Variants in AMMECR1 observed in about 807,000 individuals in gnomAD.
AMMECR1 encodes the protein AMMECR nuclear protein 1, also known as nuclear protein AMMECR1.
Under a neutral mutation model 22.5 loss-of-function variants are expected in AMMECR1, and 3 were observed. That is an observed-to-expected ratio of 0.13 (90% CI 0.06 to 0.35). AMMECR1 has a LOEUF of 0.35. AMMECR1 is among the 10% of genes least tolerant of loss of function. The probability of loss-of-function intolerance (pLI) is 1.00; values close to 1 mark genes in which losing one functional copy is unlikely to be tolerated. For synonymous variants in AMMECR1, 130 were observed against 116.7 expected, an observed-to-expected ratio of 1.11 and a Z score of -0.74; for missense variants, 235 against 278.7, an observed-to-expected ratio of 0.84 and a Z score of 1.12.
rs200061275 is a variant in AMMECR1 at position 110,284,239 on chromosome X, AG to A, written c.474-19641del. On this transcript the variant is annotated intron_variant, in intron 1 of 5. Coordinates refer to ENST00000262844, the MANE Select transcript of AMMECR1 (RefSeq NM_015365.3). ...TTAAGTCATGGTAGGACAGAACCAG[AG>A]GGGGGAAAAAAAGAGTAAGGCATCA... is the stretch of plus-strand genomic sequence containing the variant. 4.1e-4 allele frequency among the ~76,000 whole-genome samples: 46 copies of A among 112,407 alleles called. No individual in the cohort carries two copies. The East Asian group carries it at 0.012, about 30-fold the overall frequency.
chrX:110,404,503 T>C lies in AMMECR1; in HGVS notation c.-148+22155A>G, dbSNP rs959750572. Among the ~76,000 whole-genome samples, 3 of 112,159 alleles carry C rather than the reference T, an allele frequency of 2.7e-5. No homozygotes were observed. In the East Asian group the frequency reaches 8.4e-4, roughly 31 times the overall value. On this transcript the variant is annotated intron_variant, in intron 2 of 7. Transcript: ENST00000372057. ...ACTTTCACCTGAGCATGCTGGTTGG[T>C]AATAGGAAGGGAAAATAGCACTGTC...
chrX:110,275,348 T>G lies in AMMECR1; in HGVS notation c.474-10749A>C, dbSNP rs567904878. Among the ~76,000 whole-genome samples, 12 of 111,598 alleles carry G rather than the reference T, an allele frequency of 1.1e-4. No individual in the cohort carries two copies. In the South Asian group the frequency reaches 4.5e-3, roughly 42 times the overall value. ...TCTTCATTTTTAAAGGGTGTTTTCA[T>G]TGGTATCAAATTTGAGATTGGCAGT... On this transcript the variant is annotated intron_variant, in intron 1 of 5. Coordinates refer to ENST00000262844, the MANE Select transcript of AMMECR1 (RefSeq NM_015365.3).
chrX:110,268,398 A>G (rs1569393344), intron 1 of AMMECR1, among the ~76,000 whole-genome samples: 1 of 112,375 alleles, frequency 8.9e-6, no homozygotes, highest in Non-Finnish European at 1.9e-5. Flanking sequence ...CTGGGACTCT[A>G]ATTTCTCATT....
intron 1 of AMMECR1, among the ~76,000 whole-genome samples, chrX:110,304,478 A>T (rs1342148028): frequency 8.9e-6 from 1 of 112,417 alleles, no homozygotes; most frequent in Non-Finnish European, 1.9e-5. Flanking sequence ...AGTTCAGAAG[A>T]AAAAAGATCA....
At chrX:110,208,279 A>C (rs2067431316) in intron 3 of AMMECR1, among the ~76,000 whole-genome samples, 1 of 112,540 alleles carries the variant, frequency 8.9e-6, no homozygotes. Context: ...TCACCTGAGC[A>C]TGACTAACCT....
intron 2 of AMMECR1, among the ~76,000 whole-genome samples, chrX:110,397,819 G>T (rs1189921927): frequency 9.0e-6 from 1 of 111,548 alleles, no homozygotes; most frequent in Non-Finnish European, 1.9e-5. Flanking sequence ...GGGCAAACAG[G>T]CCTGGGGACA....
chrX:110,340,019 C>CACA (rs1556096542), intron 2 of AMMECR1, among the ~76,000 whole-genome samples: 4 of 102,336 alleles, frequency 3.9e-5, no homozygotes, highest in African/African-American at 1.5e-4. Flanking sequence ...CACACACACA[C>CACA]AACATATTGG....
chrX:110,271,902 T>A (rs1362985871), intron 1 of AMMECR1, among the ~76,000 whole-genome samples: 1 of 111,741 alleles, frequency 8.9e-6, no homozygotes, highest in African/African-American at 3.3e-5. Context: ...CTTTAAGGTT[T>A]GAGACTTAGT....
intron 2 of AMMECR1, among the ~76,000 whole-genome samples, chrX:110,260,883 C>T (rs1286515597): frequency 1.8e-5 from 2 of 112,035 alleles, no homozygotes; most frequent in African/African-American, 6.5e-5. Flanking sequence ...AATTGACACA[C>T]GCTACCACAT....
At chrX:110,413,119 A>AT (rs1210458634) in intron 2 of AMMECR1, among the ~76,000 whole-genome samples, 2 of 110,548 alleles carry the variant, frequency 1.8e-5, no homozygotes, top group Non-Finnish European at 3.8e-5. Context: ...CAGTGCTCCC[A>AT]TCCCTGCCAC....
At chrX:110,390,172 T>G (rs1054448945) in intron 2 of AMMECR1, among the ~76,000 whole-genome samples, 4 of 111,858 alleles carry the variant, frequency 3.6e-5, no homozygotes, top group Non-Finnish European at 5.6e-5. Context: ...AAGAAACTGA[T>G]GGGATTCAAG....
chrX:110,203,893 TTTA>T (rs1397563179), intron 3 of AMMECR1, among the ~76,000 whole-genome samples: 1 of 111,882 alleles, frequency 8.9e-6, no homozygotes, highest in Non-Finnish European at 1.9e-5. Flanking sequence ...TTTATGGTTT[TTTA>T]TTTTTATTAA....
At chrX:110,321,040 C>T (rs1167897544), upstream of AMMECR1, among the ~76,000 whole-genome samples, 1 of 111,820 alleles carries the variant, frequency 8.9e-6, no homozygotes, top group Non-Finnish European at 1.9e-5. Context: ...AAATGCCTCT[C>T]CTGGCCTTGT....
chrX:110,198,562 A>G lies in AMMECR1; in HGVS notation c.960T>C (p.Asn320=), dbSNP rs140247782. The change falls in exon 6 of 6, where the codon AAT becomes AAC. Residue 320 remains asparagine, a synonymous_variant. Coordinates refer to ENST00000262844, the MANE Select transcript of AMMECR1 (RefSeq NM_015365.3). ...LAHRQHHHFQ[N]GIGHPLPPYN... ...ATGGCGGAAGGGGATGCCCAATGCCATTTTGGAAATGATGATGCTGGCGAT... is the reference window on the plus strand; with the variant it reads ...ATGGCGGAAGGGGATGCCCAATGCCGTTTTGGAAATGATGATGCTGGCGAT... 5.1e-3 allele frequency: 6,096 copies of G among 1,200,325 alleles called. 9 individuals are homozygous for G. The highest frequency in any genetic ancestry group is 6.4e-3 in the Non-Finnish European group (5,677 of 890,206).
intron 2 of AMMECR1, among the ~76,000 whole-genome samples, chrX:110,233,764 C>T (rs1205573905): frequency 8.0e-5 from 9 of 111,882 alleles, no homozygotes; most frequent in African/African-American, 1.3e-4. Context: ...AAAAGGCCTT[C>T]GACAAAACTC....
At chrX:110,231,128 TC>T (rs1270903371) in intron 2 of AMMECR1, among the ~76,000 whole-genome samples, 3 of 111,486 alleles carry the variant, frequency 2.7e-5, no homozygotes, top group Non-Finnish European at 5.6e-5. Flanking sequence ...CAGGAGAACT[TC>T]CCCAACCTAG....
At chrX:110,230,013 T>A (rs2067555336) in intron 2 of AMMECR1, among the ~76,000 whole-genome samples, 1 of 112,974 alleles carries the variant, frequency 8.9e-6, no homozygotes, top group Admixed American at 9.3e-5. Context: ...AAGCTCGAAC[T>A]GGGCGGAGCC....
intron 2 of AMMECR1, among the ~76,000 whole-genome samples, chrX:110,228,906 C>T (rs2067547687): frequency 8.9e-6 from 1 of 112,341 alleles, no homozygotes; most frequent in African/African-American, 3.2e-5. Context: ...AAAGGCTATA[C>T]ATTTTTAAAA....
At chrX:110,344,103 G>T (rs1392078007) in intron 2 of AMMECR1, among the ~76,000 whole-genome samples, 1 of 111,628 alleles carries the variant, frequency 9.0e-6, no homozygotes, top group African/African-American at 3.3e-5. Flanking sequence ...ATACTACAAG[G>T]CTACAGTAAC....
Sources: gnomAD v4.1 joint callset for allele counts (sites outside exome capture counted in the v4.1 genomes callset) on GRCh38, gnomAD v4.1.1 for gene constraint, MANE v1.5 for transcripts, NCBI Gene and HGNC (gene_info 2026-07-23, HGNC 2026-07-21) for gene names.